The following ZNF536 variants were observed in gnomAD, a reference collection of about 807,000 sequenced individuals.
ZNF536 encodes the protein zinc finger protein 536.
In ZNF536, 13 loss-of-function variants were observed where a neutral mutation model predicts 84.5. The ratio of observed to expected loss-of-function variants is 0.15; its 90% CI spans 0.10 to 0.24. The LOEUF is 0.24. Ranked by LOEUF, ZNF536 falls within the 10% of genes least tolerant of loss-of-function variation. The probability of loss-of-function intolerance (pLI) is 1.00; values close to 1 mark genes in which losing one functional copy is unlikely to be tolerated. For missense variants in ZNF536, 1,536 were observed against 1,747.5 expected (o/e 0.88, Z 2.16); for synonymous variants, 811 against 742.5 (o/e 1.09, Z -1.50).
At position 30,498,423 on chromosome 19, in the gene ZNF536, C is replaced by T. The variant is rs1599593564; in HGVS notation, c.2171-36424C>T. On this transcript the variant is annotated intron_variant, in intron 2 of 4. Transcript: ENST00000355537. ...TGGACACAGGGAGGGGAACAACACA[C>T]ACTGGGGCCTGTCAGGGAGTGGGGT... Among the ~76,000 whole-genome samples the T allele has an allele frequency of 3.3e-5, 5 of 152,106 alleles. No homozygotes were observed. In the Middle Eastern group the frequency reaches 0.017, roughly 517 times the overall value.
chr19:30,232,552 C>T (rs1448143203), intron 1 of ZNF536, among the ~76,000 whole-genome samples: 2 of 152,088 alleles, frequency 1.3e-5, no homozygotes, highest in Non-Finnish European at 2.9e-5. Flanking sequence ...TCTGTTCCTG[C>T]GTTAATTCGC....
At chr19:30,250,029 C>A (rs1194880700) in intron 1 of ZNF536, among the ~76,000 whole-genome samples, 2 of 152,208 alleles carry the variant, frequency 1.3e-5, no homozygotes, top group Non-Finnish European at 2.9e-5. Flanking sequence ...CAATTCAGGA[C>A]CCAACTGGTA....
At chr19:30,368,091 C>T (rs1486823892), upstream of ZNF536, among the ~76,000 whole-genome samples, 2 of 152,168 alleles carry the variant, frequency 1.3e-5, no homozygotes, top group Non-Finnish European at 2.9e-5. Flanking sequence ...CCCTCCTACT[C>T]CTGTCCCTCC....
At chr19:30,361,548 C>T (rs1163568526) in intron 3 of ZNF536, among the ~76,000 whole-genome samples, 1 of 152,038 alleles carries the variant, frequency 6.6e-6, no homozygotes. Context: ...GGGGAGAGGC[C>T]TGGTGAAGTG....
At chr19:30,698,724 C>G (rs1755899915) in intron 1 of ZNF536, among the ~76,000 whole-genome samples, 1 of 152,174 alleles carries the variant, frequency 6.6e-6, no homozygotes, top group East Asian at 1.9e-4. Context: ...TCAGCCTGAC[C>G]TTGGTCTGCT....
chr19:30,699,710 G>C (rs781627303), intron 1 of ZNF536, among the ~76,000 whole-genome samples: 71 of 152,296 alleles, frequency 4.7e-4, no homozygotes, highest in Non-Finnish European at 9.3e-4. Flanking sequence ...CTGAGCCACT[G>C]AGCCTCTTGA....
intron 1 of ZNF536, among the ~76,000 whole-genome samples, chr19:30,696,197 C>T (rs1050660751): frequency 9.2e-5 from 14 of 152,068 alleles, no homozygotes; most frequent in South Asian, 4.2e-4. Context: ...CCTTTGAAGC[C>T]GGTTTAATAA....
At chr19:30,274,138 A>G (rs528619050) in intron 1 of ZNF536, among the ~76,000 whole-genome samples, 2 of 152,368 alleles carry the variant, frequency 1.3e-5, no homozygotes, top group Admixed American at 6.5e-5. Flanking sequence ...TAGAAGTGGC[A>G]TAACTTTCAT....
chr19:30,268,882 CT>C (rs1474072421), intron 1 of ZNF536, among the ~76,000 whole-genome samples: 1 of 152,200 alleles, frequency 6.6e-6, no homozygotes, highest in Non-Finnish European at 1.5e-5. Context: ...GTGTCTTCCC[CT>C]TTTCTTGCTT....
chr19:30,390,176 G>T (rs907739584), intron 1 of ZNF536, among the ~76,000 whole-genome samples: 1 of 152,164 alleles, frequency 6.6e-6, no homozygotes, highest in Non-Finnish European at 1.5e-5. Flanking sequence ...GGGGGTTAAG[G>T]TTGTGTTGAG....
intron 1 of ZNF536, among the ~76,000 whole-genome samples, chr19:30,703,689 G>A (rs943573716): frequency 2.0e-5 from 3 of 152,168 alleles, no homozygotes; most frequent in Non-Finnish European, 1.5e-5. Flanking sequence ...GAAGAACCAG[G>A]CAGAGCTTCC....
chr19:30,559,138 A>T (rs549911314), downstream of ZNF536, among the ~76,000 whole-genome samples: 10 of 152,358 alleles, frequency 6.6e-5, no homozygotes, highest in South Asian at 1.9e-3. Context: ...CTGAGAAGAC[A>T]CGATAAAAGC....
chr19:30,663,053 A>C (rs951541535), intron 1 of ZNF536, among the ~76,000 whole-genome samples: 1 of 139,730 alleles, frequency 7.2e-6, no homozygotes, highest in Non-Finnish European at 1.5e-5. Flanking sequence ...CTGCTTCTCC[A>C]TGAGCTGATT....
intron 1 of ZNF536, among the ~76,000 whole-genome samples, chr19:30,693,047 A>ACT (rs1568677411): frequency 6.6e-6 from 1 of 151,092 alleles, no homozygotes; most frequent in East Asian, 1.9e-4. Flanking sequence ...AGAGAGAGAG[A>ACT]GAGTGTGTGT....
intron 1 of ZNF536, among the ~76,000 whole-genome samples, chr19:30,400,607 G>A (rs767804706): frequency 8.5e-5 from 13 of 152,144 alleles, no homozygotes; most frequent in Non-Finnish European, 1.3e-4. Flanking sequence ...TGTCGCCCAG[G>A]CTGCAGTGCA....
rs369321473 is a variant in ZNF536 at position 30,548,236 on chromosome 19, G to T, written c.2617G>T (p.Ala873Ser). ...CTCCTCTGGAGATCACTCGGGGCAG[G>T]CCACGGGCATGTCTTCGGAGGTCCC... is the stretch of plus-strand genomic sequence containing the variant. ...VLSSGDHSGQ[A>S]TGMSSEVPSD... is the part of the protein sequence containing the mutation. The change falls in exon 4 of 5, where the codon GCC becomes TCC. Residue 873 changes from alanine (A) to serine (S), a missense_variant. Physicochemically the swap from Ala to Ser is moderately conservative, Grantham distance 99. Around this residue, in one of 8 missense-constraint regions of ZNF536, gnomAD observed 624 missense variants for 603.1 expected, o/e 1.03. Coordinates refer to ENST00000355537, the MANE Select transcript of ZNF536 (RefSeq NM_014717.3). The T allele has an allele frequency of 1.9e-6, 3 of 1,614,204 alleles. No homozygotes were observed. The highest frequency in any genetic ancestry group is 1.7e-6 in the Non-Finnish European group (2 of 1,180,042).
At position 30,677,750 on chromosome 19, in the gene ZNF536, C is replaced by A. The variant is rs539012633; in HGVS notation, c.170-33007C>A. On this transcript the variant is annotated intron_variant, in intron 1 of 1. Transcript: ENST00000592773. ...TTTTGTCTTTCCTGGCATCAAGAAA[C>A]CACTTAAAAGCCTCCTAAGACCCTG... Among the ~76,000 whole-genome samples, 5 of 152,334 alleles carry A rather than the reference C, an allele frequency of 3.3e-5. No homozygotes were observed. In the East Asian group the frequency reaches 9.6e-4, roughly 29 times the overall value.
At chr19:30,606,239 A>AAAT (rs1181835785) in intron 1 of ZNF536, among the ~76,000 whole-genome samples, 1,245 of 80,072 alleles carry the variant, frequency 0.016, 43 homozygotes, top group African/African-American at 0.037. Flanking sequence ...TAATAAAATA[A>AAAT]AATAAAATAA....
rs75043710 is a variant in ZNF536, at chr19:30,565,167, C to CTT, written c.169+15668_169+15669dup. Among the ~76,000 whole-genome samples, 378 of 142,442 alleles carry CTT rather than the reference C, an allele frequency of 2.7e-3. 3 individuals are homozygous for CTT. The highest frequency in any genetic ancestry group is 0.018 in the Middle Eastern group (5 of 274). The allele number at this position is 142,442 out of a possible 152,430, so 93.4% of individuals were successfully genotyped here. ...GGTGGGGAATGTGTAGACCCCTTTC[C>CTT]TTTTTTTTTTTTTTTTAACTTATCA... On this transcript the variant is annotated intron_variant, in intron 1 of 1. Coordinates refer to the ZNF536 transcript ENST00000592773.
Sources: gnomAD v4.1 joint callset for allele counts (sites outside exome capture counted in the v4.1 genomes callset) on GRCh38, gnomAD v4.1.1 for gene constraint, gnomAD v4.1.1 regional missense constraint, MANE v1.5 for transcripts, NCBI Gene and HGNC (gene_info 2026-07-23, HGNC 2026-07-21) for gene names.